FAM169A: variants seen among roughly 807,000 people sequenced by gnomAD.
FAM169A encodes family with sequence similarity 169 member A.
FAM169A carries 24 observed loss-of-function variants against 75.7 expected under a neutral mutation model. That is an observed-to-expected ratio of 0.32 (90% CI 0.23 to 0.45). FAM169A has a LOEUF of 0.45. Among genes scored for constraint, FAM169A ranks in the 20% least tolerant of loss-of-function variants. FAM169A has a pLI of 1.00. For missense variants in FAM169A, 673 were observed against 784.0 expected, an observed-to-expected ratio of 0.86 and a Z score of 1.69; for synonymous variants, 271 against 271.0, an observed-to-expected ratio of 1.00 and a Z score of 0.00.
chr5:74,781,912 T>G lies in FAM169A; in HGVS notation c.1561A>C (p.Lys521Gln), dbSNP rs370799481. 186 of 1,613,860 alleles carry G rather than the reference T, an allele frequency of 1.2e-4. No homozygotes were observed. Among genetic ancestry groups the G allele is most frequent in the Non-Finnish European group, 1.3e-4 (156 of 1,179,874 alleles). ...EEKLSLLPRK[K>Q]AHLGSSDNVA... ...TTGTCTGAACTCCCAAGATGTGCTT[T>G]CTTTCTTGGAAGTAGGGACAATTTC... is the stretch of plus-strand genomic sequence containing the variant. The change falls in exon 13 of 13, where the codon AAA (lysine) becomes CAA (glutamine). Residue 521 changes from lysine (K) to glutamine (Q), a missense_variant. This residue lies in a region of FAM169A where 510 missense variants were observed against 550.9 expected (regional missense o/e 0.93). Transcript: ENST00000687041.
At chr5:74,839,492 C>T (rs1748744213) in intron 3 of FAM169A, among the ~76,000 whole-genome samples, 1 of 152,012 alleles carries the variant, frequency 6.6e-6, no homozygotes, top group Admixed American at 6.6e-5. Flanking sequence ...GTGGCCTCCC[C>T]AGCCATGCGG....
chr5:74,860,168 C>G (rs1475254262), intron 1 of FAM169A, among the ~76,000 whole-genome samples: 1 of 152,148 alleles, frequency 6.6e-6, no homozygotes, highest in East Asian at 1.9e-4. Context: ...CAAACCTATG[C>G]CTATGGGCTT....
intron 11 of FAM169A, among the ~76,000 whole-genome samples, chr5:74,793,150 C>T (rs1006949710): frequency 6.6e-6 from 1 of 151,994 alleles, no homozygotes; most frequent in Non-Finnish European, 1.5e-5. Context: ...CATGGTGAAA[C>T]CCCGTCTCTA....
intron 11 of FAM169A, among the ~76,000 whole-genome samples, chr5:74,786,407 G>A (rs1324135821): frequency 1.3e-5 from 2 of 152,124 alleles, no homozygotes; most frequent in Non-Finnish European, 2.9e-5. Flanking sequence ...TCCTTAATAT[G>A]ATCAGACACC....
At position 74,837,737 on chromosome 5, in the gene FAM169A, G is replaced by A. The variant is rs147025692; in HGVS notation, c.318+1228C>T. On this transcript the variant is annotated intron_variant, in intron 4 of 12. Coordinates refer to ENST00000687041, the MANE Select transcript of FAM169A (RefSeq NM_001376049.1). ...AAATGAACAGTAGCTGGAACCCTGC[G>A]AATCTGACAAGTTTTTACAGAGTTG... is the stretch of plus-strand genomic sequence containing the variant. 3.8e-3 allele frequency among the ~76,000 whole-genome samples: 575 copies of A among 152,124 alleles called. 1 individual carries two copies. Among genetic ancestry groups the A allele is most frequent in the African/African-American group, 8.6e-3 (355 of 41,480 alleles).
Position 74,838,988 on chromosome 5 carries a change from G to T in FAM169A, c.295C>A (p.Pro99Thr). The T allele has an allele frequency of 6.2e-7, 1 of 1,613,544 alleles. No homozygotes were observed. Among genetic ancestry groups the T allele is most frequent in the Non-Finnish European group, 8.5e-7 (1 of 1,179,566 alleles). Residue 99 changes from proline to threonine, a missense_variant, in exon 4 of 13, where the codon CCT becomes ACT. Physicochemically the swap from Pro to Thr is conservative, Grantham distance 38. Transcript: ENST00000687041. Reference sequence around the variant, plus strand: ...ACCTGCTTAAGCCCCTCTCTTGAAGGAACAGATGTTTTCACAATATCATCA... The same window carrying T: ...ACCTGCTTAAGCCCCTCTCTTGAAGTAACAGATGTTTTCACAATATCATCA... ...AIDDIVKTSVPSREGLKQVST... is the reference protein window; with the variant it reads ...AIDDIVKTSVTSREGLKQVST...
chr5:74,852,496 T>C (rs1365278405), intron 1 of FAM169A, among the ~76,000 whole-genome samples: 4 of 151,984 alleles, frequency 2.6e-5, no homozygotes. Flanking sequence ...AATAAAAGTT[T>C]GTATAAATAA....
chr5:74,857,794 G>A (rs16872352), intron 1 of FAM169A, among the ~76,000 whole-genome samples: 14,187 of 151,882 alleles, frequency 0.093, 1,622 homozygotes, highest in African/African-American at 0.27. Context: ...GTTAGTTACA[G>A]TTGGTATGTT....
At chr5:74,829,930 G>A (rs1306022740) in intron 5 of FAM169A, among the ~76,000 whole-genome samples, 1 of 151,992 alleles carries the variant, frequency 6.6e-6, no homozygotes, top group East Asian at 1.9e-4. Flanking sequence ...CCGAGGTCGT[G>A]CCACTGTACT....
chr5:74,846,566 T>G (rs1390214431), intron 1 of FAM169A, among the ~76,000 whole-genome samples: 1 of 152,184 alleles, frequency 6.6e-6, no homozygotes, highest in Non-Finnish European at 1.5e-5. Flanking sequence ...GATTGATCAC[T>G]GAAAAGGAGA....
In FAM169A at chr5:74,818,770, G is replaced by GCTCTCT. The variant is rs375359690; in HGVS notation, c.491-4757_491-4752dup. Among the ~76,000 whole-genome samples, 83 of 134,298 alleles carry GCTCTCT rather than the reference G, an allele frequency of 6.2e-4. 1 individual carries two copies. The highest frequency in any genetic ancestry group is 2.4e-3 in the East Asian group (11 of 4,596). The allele number at this position is 134,298 out of a possible 152,430, so 88.1% of individuals were successfully genotyped here. ...TCTTGATTGTGGTGACGGTTTCACAGCTCTCTCTCTCTCTCTCTCTCTCTC... is the reference window on the plus strand; with the variant it reads ...TCTTGATTGTGGTGACGGTTTCACAGCTCTCTCTCTCTCTCTCTCTCTCTCTCTCTC... On this transcript the variant is annotated intron_variant, in intron 5 of 12. Transcript: ENST00000687041.
chr5:74,799,752 T>C lies in FAM169A; in HGVS notation c.1103+1128A>G, dbSNP rs1252497352. On this transcript the variant is annotated intron_variant, in intron 10 of 12. Coordinates refer to ENST00000687041, the MANE Select transcript of FAM169A (RefSeq NM_001376049.1). ...GTTCCAGCTGCTCCTGAGTGTGTCA[T>C]CTGTCTCAGACAACAGCGCCGTGGC... 3 of 1,139,468 alleles carry C rather than the reference T, an allele frequency of 2.6e-6. No homozygotes were observed. In the Admixed American group the frequency reaches 5.1e-5, roughly 19 times the overall value. 70.6% of individuals were successfully genotyped at this position (1,139,468 alleles called of 1,614,324 possible). A position where few individuals can be genotyped will look rare whatever the true frequency, so the allele number is the denominator to read the frequency against.
At chr5:74,812,253 A>T (rs1006983232) in intron 6 of FAM169A, among the ~76,000 whole-genome samples, 1 of 152,110 alleles carries the variant, frequency 6.6e-6, no homozygotes. Flanking sequence ...CCCCTCAAGT[A>T]ACCGGGACTA....
At chr5:74,827,063 A>G (rs1748067471) in intron 5 of FAM169A, among the ~76,000 whole-genome samples, 1 of 152,192 alleles carries the variant, frequency 6.6e-6, no homozygotes, top group African/African-American at 2.4e-5. Flanking sequence ...ATGCTACAGA[A>G]TGATACTGTG....
At position 74,782,961 on chromosome 5, in the gene FAM169A, T is replaced by C. The variant is rs777046319; in HGVS notation, c.1434A>G (p.Ser478=). The C allele has an allele frequency of 1.8e-5, 29 of 1,613,650 alleles. No homozygotes were observed. Among genetic ancestry groups the C allele is most frequent in the Non-Finnish European group, 2.5e-5 (29 of 1,179,690 alleles). The change falls in exon 12 of 13, where the codon TCA becomes TCG. Residue 478 remains serine (S), a synonymous_variant. Coordinates refer to ENST00000687041, the MANE Select transcript of FAM169A (RefSeq NM_001376049.1). The stretch of plus-strand genomic sequence containing the variant: ...CTGGTGCATCTACCTCAGGGGGTTT[T>C]GAAGATTCTACCACCAGTGGAACAA... ...TNLVPLVVES[S]KPPEVDAPDK...
chr5:74,783,428 A>C (rs1401755188), intron 11 of FAM169A, among the ~76,000 whole-genome samples: 1 of 152,136 alleles, frequency 6.6e-6, no homozygotes, highest in Non-Finnish European at 1.5e-5. Context: ...CAATGAAAAG[A>C]CCCTACCCAC....
intron 1 of FAM169A, among the ~76,000 whole-genome samples, chr5:74,854,106 T>C (rs967505202): frequency 6.6e-6 from 1 of 151,974 alleles, no homozygotes; most frequent in African/African-American, 2.4e-5. Context: ...TAAATAATCA[T>C]ATATAGGTCA....
At chr5:74,839,330 G>C (rs914687569) in intron 3 of FAM169A, among the ~76,000 whole-genome samples, 4 of 151,912 alleles carry the variant, frequency 2.6e-5, no homozygotes, top group Non-Finnish European at 5.9e-5. Flanking sequence ...TTCGATCATG[G>C]GTCAGGGTGG....
chr5:74,836,745 C>T (rs558512343), intron 4 of FAM169A, among the ~76,000 whole-genome samples: 1 of 152,022 alleles, frequency 6.6e-6, no homozygotes, highest in Non-Finnish European at 1.5e-5. Flanking sequence ...GTCAAGAGTT[C>T]GAAACCAGCC....
Sources: allele counts gnomAD v4.1 joint callset (sites outside exome capture counted in the v4.1 genomes callset), GRCh38; gene constraint gnomAD v4.1.1; regional missense constraint gnomAD v4.1.1; transcripts MANE v1.5; gene names NCBI Gene and HGNC (gene_info 2026-07-23, HGNC 2026-07-21).